Variants in MTHFS observed in about 807,000 individuals in gnomAD.
MTHFS encodes 5-formyltetrahydrofolate cyclo-ligase.
In MTHFS, 7 loss-of-function variants were observed where a neutral mutation model predicts 12.7. The observed-to-expected ratio is 0.55, with a 90% CI of 0.31 to 1.03. The LOEUF is 1.03. Among genes scored for constraint, MTHFS ranks in the 50% least tolerant of loss-of-function variants. The probability of loss-of-function intolerance (pLI) is 0.05; values close to 1 mark genes in which losing one functional copy is unlikely to be tolerated. For synonymous variants in MTHFS, 100 were observed against 97.1 expected (o/e 1.03, Z -0.18); for missense variants, 252 against 258.1 (o/e 0.98, Z 0.16).
intron 1 of MTHFS, among the ~76,000 whole-genome samples, chr15:79,890,748 A>G (rs1378786270): frequency 6.6e-6 from 1 of 152,222 alleles, no homozygotes; most frequent in Non-Finnish European, 1.5e-5. Flanking sequence ...TTAAGTAGAT[A>G]GAGCACATCA....
intron 2 of MTHFS, among the ~76,000 whole-genome samples, chr15:79,867,605 T>C (rs904786208): frequency 4.7e-4 from 71 of 151,580 alleles, no homozygotes; most frequent in African/African-American, 1.7e-3. Context: ...AATGTAATGA[T>C]GGTCATAAAA....
intron 2 of MTHFS, among the ~76,000 whole-genome samples, chr15:79,878,775 T>C (rs954105944): frequency 2.0e-5 from 3 of 151,820 alleles, no homozygotes; most frequent in African/African-American, 4.8e-5. Context: ...GCTTCTTAGA[T>C]AGTATTATCA....
At chr15:79,860,019 A>G (rs991691383) in intron 2 of MTHFS, among the ~76,000 whole-genome samples, 1 of 152,204 alleles carries the variant, frequency 6.6e-6, no homozygotes, top group Admixed American at 6.5e-5. Flanking sequence ...AAACATTAAT[A>G]AACTTTACTA....
At chr15:79,849,069 G>A (rs571071517) in intron 2 of MTHFS, among the ~76,000 whole-genome samples, 3 of 152,284 alleles carry the variant, frequency 2.0e-5, no homozygotes, top group Non-Finnish European at 2.9e-5. Flanking sequence ...GAAGCAAGAC[G>A]AGAATGGTTT....
At chr15:79,883,953 C>T (rs60995187) in intron 2 of MTHFS, among the ~76,000 whole-genome samples, 23,502 of 152,198 alleles carry the variant, frequency 0.15, 2,020 homozygotes, top group African/African-American at 0.21. Context: ...CAGCAAAGCA[C>T]ATAACATTAC....
chr15:79,889,482 G>A (rs939950370), intron 1 of MTHFS, 128 bp from the exon 2 acceptor site: 11 of 1,358,286 alleles, frequency 8.1e-6, no homozygotes, highest in Non-Finnish European at 1.1e-5. Context: ...AAAGGGGGGG[G>A]GACCAGAGTG....
At chr15:79,873,566 T>C (rs1217302574) in intron 2 of MTHFS, among the ~76,000 whole-genome samples, 1 of 151,236 alleles carries the variant, frequency 6.6e-6, no homozygotes, top group Non-Finnish European at 1.5e-5. Context: ...AAAAAAAAAA[T>C]ACTGTATATC....
intron 2 of MTHFS, among the ~76,000 whole-genome samples, chr15:79,866,565 G>A (rs866023177): frequency 5.3e-5 from 8 of 152,168 alleles, no homozygotes; most frequent in Non-Finnish European, 1.2e-4. Flanking sequence ...TTCAGCAGGC[G>A]AGACCCTGGG....
chr15:79,884,996 A>C (rs1165951911), intron 2 of MTHFS, among the ~76,000 whole-genome samples: 1 of 152,220 alleles, frequency 6.6e-6, no homozygotes, highest in Non-Finnish European at 1.5e-5. Context: ...TTATGAGCCA[A>C]TCCAAATTTC....
At chr15:79,897,040 G>C (rs903765456), upstream of MTHFS, 28 of 1,481,208 alleles carry the variant, frequency 1.9e-5, no homozygotes, top group Non-Finnish European at 2.5e-5. Context: ...GGCGCCCTCG[G>C]GTTCGGTCTC....
chr15:79,871,704 A>T (rs2034108650), intron 2 of MTHFS, among the ~76,000 whole-genome samples: 1 of 152,226 alleles, frequency 6.6e-6, no homozygotes, highest in Non-Finnish European at 1.5e-5. Context: ...AGTACTTTTA[A>T]GTACTACCAA....
chr15:79,883,850 C>T (rs2034338233), intron 2 of MTHFS, among the ~76,000 whole-genome samples: 1 of 152,182 alleles, frequency 6.6e-6, no homozygotes, highest in South Asian at 2.1e-4. Flanking sequence ...ACTCCAAAGC[C>T]AGTGATCTTA....
At chr15:79,861,455 T>C (rs1051998788) in intron 2 of MTHFS, among the ~76,000 whole-genome samples, 3 of 152,172 alleles carry the variant, frequency 2.0e-5, no homozygotes, top group Admixed American at 2.0e-4. Flanking sequence ...ATTTCGGCCA[T>C]TCACTCACTC....
Position 79,893,346 on chromosome 15 carries a change from G to A in MTHFS, c.117+3526C>T, listed in dbSNP as rs900486807. Among the ~76,000 whole-genome samples, 7 of 151,590 alleles carry A rather than the reference G, an allele frequency of 4.6e-5. No individual in the cohort carries two copies. In the South Asian group the frequency reaches 1.5e-3, roughly 32 times the overall value. ...GAACCCGGGAGGCGAAGGTTGCAGT[G>A]AGCCAAGATTGCGCCACTGCACTCC... is the stretch of plus-strand genomic sequence containing the variant. On this transcript the variant is annotated intron_variant, in intron 1 of 2. Transcript: ENST00000258874.
chr15:79,877,967 GAATT>G (rs1005920329), intron 2 of MTHFS: 1 of 151,828 alleles, frequency 6.6e-6, no homozygotes, highest in African/African-American at 2.4e-5. Flanking sequence ...AAAACTGAGA[GAATT>G]AATTACTGGC....
intron 2 of MTHFS, among the ~76,000 whole-genome samples, chr15:79,860,446 T>A (rs1160647931): frequency 6.6e-6 from 1 of 151,622 alleles, no homozygotes; most frequent in African/African-American, 2.4e-5. Flanking sequence ...TAATGGTTAA[T>A]CTTTTAATAT....
At chr15:79,877,464 G>C (rs1242192653) in intron 2 of MTHFS, 1 of 152,162 alleles carries the variant, frequency 6.6e-6, no homozygotes, top group African/African-American at 2.4e-5. Context: ...ACTTTGGGAA[G>C]CCACGGCGGG....
chr15:79,889,094 T>G lies in MTHFS; in HGVS notation c.378A>C (p.Thr126=). 6.2e-7 allele frequency: 1 copy of G among 1,614,150 alleles called. No homozygotes were observed. Among genetic ancestry groups the G allele is most frequent in the Non-Finnish European group, 8.5e-7 (1 of 1,180,004 alleles). ...ACATCCTAACACCATAATACTCACCTGTGGACAAGGCCTCCTCCCGAACAT... is the reference window on the plus strand; with the variant it reads ...ACATCCTAACACCATAATACTCACCGGTGGACAAGGCCTCCTCCCGAACAT... ...EGDVREEALS[T]GGLDLIFMPG... is the part of the protein sequence containing the mutation. Residue 126 remains threonine (T), a splice_region_variant and synonymous_variant, in exon 2 of 3, where the codon ACA becomes ACC. Transcript: ENST00000258874.
At chr15:79,887,813 G>A (rs2034407000) in intron 2 of MTHFS, among the ~76,000 whole-genome samples, 1 of 152,196 alleles carries the variant, frequency 6.6e-6, no homozygotes, top group South Asian at 2.1e-4. Flanking sequence ...TGCAGGACAT[G>A]AAGGAGGTAG....
Sources: gnomAD v4.1 joint callset for allele counts (sites outside exome capture counted in the v4.1 genomes callset) on GRCh38, gnomAD v4.1.1 for gene constraint, MANE v1.5 for transcripts, NCBI Gene and HGNC (gene_info 2026-07-23, HGNC 2026-07-21) for gene names.